TRHDE: variants seen among roughly 807,000 people sequenced by gnomAD.
TRHDE encodes the protein thyrotropin-releasing hormone-degrading ectoenzyme.
TRHDE carries 72 observed loss-of-function variants against 125.7 expected under a neutral mutation model. The observed-to-expected ratio is 0.57, with a 90% CI of 0.47 to 0.70. The LOEUF (loss-of-function observed/expected upper bound fraction) is 0.70. Among genes scored for constraint, TRHDE ranks in the 30% least tolerant of loss-of-function variants. The pLI is 0.00. For missense variants in TRHDE, 1,110 were observed against 1,327.1 expected (o/e 0.84, Z 2.54); for synonymous variants, 509 against 509.1 (o/e 1.00, Z 0.00).
chr12:72,272,709 G>GAATC lies in TRHDE; in HGVS notation c.68_69insTCAA (p.Lys23AsnfsTer247). The stretch of plus-strand genomic sequence containing the variant: ...AGAAAAAGAAGAAGAAAAAGAAGAG[G>GAATC]AAGAAGAAGAAGGAGGAGGAGGAGG... On this transcript the variant is annotated frameshift_variant, in exon 1 of 19. Coordinates refer to ENST00000261180, the MANE Select transcript of TRHDE (RefSeq NM_013381.3). LOFTEE classifies it high-confidence loss of function. This position sits in a 1 kb window ranked among gnomAD's most constrained non-coding sequence, Gnocchi z 6.7. 12 of 1,399,522 alleles carry GAATC rather than the reference G, an allele frequency of 8.6e-6. No homozygotes were observed. Among genetic ancestry groups the GAATC allele is most frequent in the Non-Finnish European group, 8.4e-6 (9 of 1,069,102 alleles). The allele number at this position is 1,399,522 out of a possible 1,614,324, so 86.7% of individuals were successfully genotyped here.
chr12:72,447,762 C>G (rs908188893), intron 3 of TRHDE, among the ~76,000 whole-genome samples: 1 of 151,962 alleles, frequency 6.6e-6, no homozygotes, highest in African/African-American at 2.4e-5. Flanking sequence ...AGCTGCACTC[C>G]TAGAGCCTCA....
At position 72,148,836 on chromosome 12, in the gene TRHDE, G is replaced by C. The variant is rs73349013; in HGVS notation, n.279+43084G>C. Among the ~76,000 whole-genome samples, 386 of 152,250 alleles carry C rather than the reference G, an allele frequency of 2.5e-3. 2 individuals carry two copies. The highest frequency in any genetic ancestry group is 8.7e-3 in the African/African-American group (362 of 41,550). ...TTGACTACATCCTGCAACTTGTTTT[G>C]TGAAAGCGACTATCTTGCAAGCTGG... On this transcript the variant is annotated intron_variant and non_coding_transcript_variant, in intron 2 of 4. Coordinates refer to the TRHDE transcript ENST00000548156.
chr12:72,326,719 T>G (rs1310166141), intron 2 of TRHDE, among the ~76,000 whole-genome samples: 2 of 152,328 alleles, frequency 1.3e-5, no homozygotes, highest in African/African-American at 4.8e-5. Context: ...GAAAATCATC[T>G]TTATTACTAT....
chr12:72,127,126 A>G (rs1359584706), intron 2 of TRHDE, among the ~76,000 whole-genome samples: 1 of 152,230 alleles, frequency 6.6e-6, no homozygotes, highest in African/African-American at 2.4e-5. Context: ...AAAGAAATGC[A>G]AATCAAAACC....
chr12:72,248,310 CAG>C (rs1878613648), intron 2 of TRHDE, among the ~76,000 whole-genome samples: 1 of 149,208 alleles, frequency 6.7e-6, no homozygotes, highest in East Asian at 2.0e-4. Context: ...CCCAGCTACT[CAG>C]GGGGCTGAGG....
chr12:72,227,847 AGTGGG>A (rs1298911257), intron 2 of TRHDE, among the ~76,000 whole-genome samples: 1 of 152,208 alleles, frequency 6.6e-6, no homozygotes, highest in Non-Finnish European at 1.5e-5. Flanking sequence ...TGGGAAATCC[AGTGGG>A]GTAGTCAAAT....
At chr12:72,285,260 A>C (rs1014866779) in intron 1 of TRHDE, among the ~76,000 whole-genome samples, 1 of 152,118 alleles carries the variant, frequency 6.6e-6, no homozygotes, top group Admixed American at 6.5e-5. Context: ...TTTGAGGCCA[A>C]GTTCGGGTTT....
chr12:72,210,686 C>T (rs1877763346), intron 2 of TRHDE, among the ~76,000 whole-genome samples: 1 of 152,058 alleles, frequency 6.6e-6, no homozygotes, highest in Non-Finnish European at 1.5e-5. Flanking sequence ...TGGACAAAGT[C>T]TATTTGCATT....
At chr12:72,248,080 T>C (rs558111488) in intron 2 of TRHDE, among the ~76,000 whole-genome samples, 13 of 152,308 alleles carry the variant, frequency 8.5e-5, no homozygotes, top group African/African-American at 3.1e-4. Context: ...TGTGTACATA[T>C]GTACGCACAT....
chr12:72,401,078 G>A (rs1873022353), intron 3 of TRHDE, among the ~76,000 whole-genome samples: 1 of 151,982 alleles, frequency 6.6e-6, no homozygotes. Context: ...TTTTCTAAAA[G>A]AGTTACAGTA....
At chr12:72,272,023 T>G (rs763072060), upstream of TRHDE, 1 of 456,890 alleles carries the variant, frequency 2.2e-6, no homozygotes. This position sits in a 1 kb window ranked among gnomAD's most constrained non-coding sequence, Gnocchi z 6.7. Context: ...GACTTCCTCC[T>G]GCTGGTTCAC....
intron 8 of TRHDE, 87 bp from the exon 9 acceptor site, chr12:72,562,766 G>T (rs910729156): frequency 2.3e-6 from 2 of 866,874 alleles, no homozygotes; most frequent in Non-Finnish European, 3.4e-6. Context: ...TAGGTAAATA[G>T]TAAAAATAGA....
intron 2 of TRHDE, among the ~76,000 whole-genome samples, chr12:72,308,308 A>G (rs1158547641): frequency 6.6e-6 from 1 of 152,116 alleles, no homozygotes; most frequent in East Asian, 1.9e-4. Context: ...CAGACAATTG[A>G]TATCTGAGAG....
chr12:72,614,922 T>C (rs1049762841), intron 12 of TRHDE, among the ~76,000 whole-genome samples: 3 of 152,142 alleles, frequency 2.0e-5, no homozygotes, highest in African/African-American at 7.2e-5. Context: ...CTGGTTTTAA[T>C]TTCCTTCTTA....
intron 4 of TRHDE, among the ~76,000 whole-genome samples, chr12:72,471,101 T>A (rs890282119): frequency 6.6e-6 from 1 of 151,894 alleles, no homozygotes; most frequent in African/African-American, 2.4e-5. Context: ...GGTCTCGAAC[T>A]TCCTGACCTC....
At chr12:72,258,391 T>C (rs1878866559) in intron 2 of TRHDE, among the ~76,000 whole-genome samples, 1 of 152,126 alleles carries the variant, frequency 6.6e-6, no homozygotes, top group South Asian at 2.1e-4. Flanking sequence ...AACTGATTGG[T>C]TGATGTTATG....
chr12:72,655,835 C>G (rs1442356518), intron 17 of TRHDE, among the ~76,000 whole-genome samples: 1 of 152,072 alleles, frequency 6.6e-6, no homozygotes, highest in East Asian at 1.9e-4. Context: ...TTATTGAATG[C>G]CTATTTGTTT....
chr12:72,482,858 A>G (rs1181296791), intron 5 of TRHDE, among the ~76,000 whole-genome samples: 1 of 151,956 alleles, frequency 6.6e-6, no homozygotes, highest in Non-Finnish European at 1.5e-5. Context: ...CTAATGAAAA[A>G]CTAAAAAAAT....
At chr12:72,404,629 C>G (rs1873190323) in intron 3 of TRHDE, among the ~76,000 whole-genome samples, 1 of 152,072 alleles carries the variant, frequency 6.6e-6, no homozygotes, top group Non-Finnish European at 1.5e-5. Context: ...AGGGAAACTC[C>G]TCTTTATAAA....
Sources: gnomAD v4.1 joint callset for allele counts (sites outside exome capture counted in the v4.1 genomes callset) on GRCh38, gnomAD v4.1.1 for gene constraint, Gnocchi (gnomAD v3.1) non-coding constraint, MANE v1.5 for transcripts, NCBI Gene and HGNC (gene_info 2026-07-23, HGNC 2026-07-21) for gene names.